Variants in RAI2 observed in about 807,000 individuals in gnomAD.
RAI2 encodes the protein retinoic acid induced 2, also known as retinoic acid-induced protein 2.
A neutral mutation model predicts 15.3 loss-of-function variants in RAI2; 5 were observed. That is an observed-to-expected ratio of 0.33 (90% CI 0.17 to 0.69). The LOEUF (loss-of-function observed/expected upper bound fraction) is 0.69, where lower values mean the gene tolerates loss of function less well. RAI2 is among the 30% of genes least tolerant of loss of function. The pLI is 0.69. For synonymous variants in RAI2, 191 were observed against 184.0 expected (o/e 1.04, Z -0.31); for missense variants, 424 against 424.7 (o/e 1.00, Z 0.01).
At chrX:17,849,667 G>C (rs748296652) in intron 1 of RAI2, among the ~76,000 whole-genome samples, 2 of 112,450 alleles carry the variant, frequency 1.8e-5, no homozygotes, top group East Asian at 5.6e-4. Context: ...TTCTGCATTG[G>C]CTAGGATGGA....
intron 1 of RAI2, among the ~76,000 whole-genome samples, chrX:17,818,929 T>C (rs2067134535): frequency 8.9e-6 from 1 of 112,909 alleles, no homozygotes; most frequent in Non-Finnish European, 1.9e-5. Flanking sequence ...CGTTAGACGA[T>C]CAGTGTCTGT....
At chrX:17,813,412 A>G (rs1329513186) in intron 1 of RAI2, among the ~76,000 whole-genome samples, 2 of 111,904 alleles carry the variant, frequency 1.8e-5, no homozygotes, top group Non-Finnish European at 3.8e-5. Flanking sequence ...TAATCCAGCC[A>G]GTAATAAAGC....
At chrX:17,837,444 A>G (rs951289857) in intron 1 of RAI2, 1 of 112,127 alleles carries the variant, frequency 8.9e-6, no homozygotes, top group African/African-American at 3.2e-5. Flanking sequence ...CCAGCCTTAC[A>G]GGGCTTCTAA....
At chrX:17,850,670 C>T (rs1403710760) in intron 1 of RAI2, among the ~76,000 whole-genome samples, 2 of 112,181 alleles carry the variant, frequency 1.8e-5, no homozygotes, top group Non-Finnish European at 3.8e-5. Context: ...GCCTCCCCTT[C>T]CAGGTCTACT....
chrX:17,801,624 G>A lies in RAI2; in HGVS notation c.387C>T (p.His129=), dbSNP rs774957359. Residue 129 remains histidine, a synonymous_variant, in exon 2 of 2, where the codon CAC becomes CAT. Coordinates refer to ENST00000451717, the MANE Select transcript of RAI2 (RefSeq NM_021785.6). ...GAGGGGAGTTGAGGTGCTGAAAGAC[G>A]TGCTGCTCCAGCACCACGGGCAGTT... is the stretch of plus-strand genomic sequence containing the variant. ...PVQLPVVLEQ[H]VFQHLNSPLV... The A allele has an allele frequency of 5.0e-5, 60 of 1,209,970 alleles. No homozygotes were observed. In the South Asian group the frequency reaches 7.8e-4, roughly 16 times the overall value.
At chrX:17,806,440 G>C (rs2066982225) in intron 1 of RAI2, among the ~76,000 whole-genome samples, 3 of 112,297 alleles carry the variant, frequency 2.7e-5, no homozygotes, top group Non-Finnish European at 5.6e-5. Flanking sequence ...GGGAGTGGAG[G>C]TCAGTAAACA....
chrX:17,857,184 C>T (rs999437183), intron 1 of RAI2, among the ~76,000 whole-genome samples: 4 of 111,977 alleles, frequency 3.6e-5, no homozygotes, highest in African/African-American at 1.3e-4. Context: ...CAGAATCCCA[C>T]GCAGGCTTTT....
At chrX:17,856,742 G>C (rs990101257) in intron 1 of RAI2, among the ~76,000 whole-genome samples, 1 of 112,227 alleles carries the variant, frequency 8.9e-6, no homozygotes, top group Non-Finnish European at 1.9e-5. Context: ...TCAGGGCAGG[G>C]GCTGGGAGAG....
chrX:17,822,244 C>T (rs1434793648), intron 1 of RAI2, among the ~76,000 whole-genome samples: 3 of 111,668 alleles, frequency 2.7e-5, no homozygotes, highest in Non-Finnish European at 5.6e-5. Context: ...ATTCTTATTC[C>T]TAATATTGTG....
intron 1 of RAI2, among the ~76,000 whole-genome samples, chrX:17,860,138 G>T (rs1055310553): frequency 2.2e-4 from 25 of 111,218 alleles, no homozygotes; most frequent in Non-Finnish European, 1.9e-4. Context: ...CATCCGTCGT[G>T]CCCCAAACCT....
intron 1 of RAI2, among the ~76,000 whole-genome samples, chrX:17,803,984 G>C (rs1044360001): frequency 9.3e-6 from 1 of 107,139 alleles, no homozygotes; most frequent in Non-Finnish European, 1.9e-5. Context: ...TTGTGAGAGG[G>C]AGTCCTGCTC....
chrX:17,823,738 T>G (rs1371682073), intron 1 of RAI2, among the ~76,000 whole-genome samples: 2 of 111,938 alleles, frequency 1.8e-5, no homozygotes, highest in Admixed American at 1.9e-4. Context: ...ACGACCCAGA[T>G]TCCCAGGCCA....
intron 1 of RAI2, among the ~76,000 whole-genome samples, chrX:17,815,966 A>G (rs1206144233): frequency 9.2e-6 from 1 of 108,476 alleles, no homozygotes; most frequent in Non-Finnish European, 1.9e-5. Context: ...AAACCGTTTA[A>G]TTTGCAGGGC....
At chrX:17,815,317 ACACGTG>A (rs2067094252) in intron 1 of RAI2, among the ~76,000 whole-genome samples, 1 of 62,766 alleles carries the variant, frequency 1.6e-5, no homozygotes, top group South Asian at 1.2e-3. Flanking sequence ...ATACATGTGC[ACACGTG>A]CACACACACA....
chrX:17,835,491 C>T (rs1160750156), intron 1 of RAI2, among the ~76,000 whole-genome samples: 1 of 111,937 alleles, frequency 8.9e-6, no homozygotes, highest in Non-Finnish European at 1.9e-5. Context: ...CCCTGCTCCC[C>T]AGCCCTTCCT....
At chrX:17,846,330 T>C (rs1168186052) in intron 1 of RAI2, among the ~76,000 whole-genome samples, 6 of 111,338 alleles carry the variant, frequency 5.4e-5, no homozygotes, top group African/African-American at 2.0e-4. Context: ...ACCCTCTCAA[T>C]CCCAGGCAAA....
intron 1 of RAI2, among the ~76,000 whole-genome samples, chrX:17,853,520 G>A: frequency 9.0e-6 from 1 of 111,500 alleles, no homozygotes; most frequent in Middle Eastern, 4.6e-3. Context: ...TATCTAGTGG[G>A]TGGAGGCCAG....
chrX:17,821,114 C>T (rs1344223309), intron 1 of RAI2, among the ~76,000 whole-genome samples: 4 of 111,600 alleles, frequency 3.6e-5, no homozygotes, highest in Non-Finnish European at 7.5e-5. Context: ...CGAAGTGTAC[C>T]GAATTTGCAT....
chrX:17,801,010 G>A lies in RAI2; in HGVS notation c.1001C>T (p.Pro334Leu). Residue 334 changes from proline (P) to leucine (L), a missense_variant, in exon 2 of 2, where the codon CCC becomes CTC. Coordinates refer to ENST00000451717, the MANE Select transcript of RAI2 (RefSeq NM_021785.6). ...GGCTGCATCTTCCTGGAAGATTGGG[G>A]GACTGACTTCACCAGCCTTGAGCCA... ...VPWLKAGEVS[P>L]PIFQEDAALD... The A allele has an allele frequency of 8.3e-7, 1 of 1,211,654 alleles. No homozygotes were observed. Among genetic ancestry groups the A allele is most frequent in the East Asian group, 3.0e-5 (1 of 33,835 alleles).
Sources: allele counts gnomAD v4.1 joint callset (sites outside exome capture counted in the v4.1 genomes callset), GRCh38; gene constraint gnomAD v4.1.1; transcripts MANE v1.5; gene names NCBI Gene and HGNC (gene_info 2026-07-23, HGNC 2026-07-21).